Variants in POLR2C observed in about 807,000 individuals in gnomAD.
POLR2C encodes the protein DNA-directed RNA polymerase II subunit RPB3.
Under a neutral mutation model 41.7 loss-of-function variants are expected in POLR2C, and 36 were observed. The ratio of observed to expected loss-of-function variants is 0.86; its 90% confidence interval spans 0.66 to 1.14. The LOEUF is 1.14. Ranked by LOEUF, POLR2C falls within the 50% of genes most tolerant of loss-of-function variation. The pLI, the probability that POLR2C is intolerant of heterozygous loss-of-function variation, is 0.00. For missense variants in POLR2C, 260 were observed against 350.4 expected (o/e 0.74, Z 2.06); for synonymous variants, 133 against 137.8 (o/e 0.96, Z 0.25).
intron 1 of POLR2C, 73 bp from the exon 2 acceptor site, chr16:57,462,956 T>G: frequency 7.5e-7 from 1 of 1,332,508 alleles, no homozygotes. Context: ...GCTTTAGCTT[T>G]GGGAGCCTGC....
At chr16:57,467,986 T>C (rs558787753) in intron 4 of POLR2C, among the ~76,000 whole-genome samples, 2 of 152,194 alleles carry the variant, frequency 1.3e-5, no homozygotes, top group East Asian at 3.9e-4. Flanking sequence ...TTCCATTACA[T>C]TTTGATTCTC....
chr16:57,470,521 GGTC>G (rs2030808982), intron 8 of POLR2C, 167 bp downstream of exon 8: 1 of 589,750 alleles, frequency 1.7e-6, no homozygotes, highest in Non-Finnish European at 3.0e-6. Flanking sequence ...CCCAGGGGCA[GGTC>G]GTCAGCCCCT....
At chr16:57,470,931 G>A (rs1334061643) in intron 8 of POLR2C, 44 bp from the exon 9 acceptor site, 1 of 1,603,530 alleles carries the variant, frequency 6.2e-7, no homozygotes, top group Non-Finnish European at 8.5e-7. Context: ...GCTCGGGTCG[G>A]CCAGCCTGCC....
In POLR2C at chr16:57,471,181, C is replaced by T; in HGVS notation, c.*62C>T. The T allele has an allele frequency of 7.3e-7, 1 of 1,361,228 alleles. No individual in the cohort carries two copies. Among genetic ancestry groups the T allele is most frequent in the South Asian group, 1.2e-5 (1 of 83,922 alleles). 84.3% of individuals were successfully genotyped at this position (1,361,228 alleles called of 1,614,324 possible). A position where few individuals can be genotyped will look rare whatever the true frequency, so the allele number is the denominator to read the frequency against. ...GGCCAGCAGCTGGATATGGGGGTCT[C>T]TCTTCAGACTCTTCTCGTTTCTGAG... On this transcript the variant is annotated 3_prime_UTR_variant, in exon 9 of 9. Coordinates refer to ENST00000219252, the MANE Select transcript of POLR2C (RefSeq NM_032940.3).
rs2030781529 is a variant in POLR2C, at chr16:57,469,653, C to G, written c.388-57C>G. On this transcript the variant is annotated intron_variant, in intron 5 of 8. Coordinates refer to ENST00000219252, the MANE Select transcript of POLR2C (RefSeq NM_032940.3). This position sits in a 1 kb window ranked among gnomAD's most constrained non-coding sequence, Gnocchi z 5.8. ...TCTAGAGGTGCTGGGATATGGATGC[C>G]AGAGGAGGTGACTGGGGAGGTGAGC... 55 of 1,402,846 alleles carry G rather than the reference C, an allele frequency of 3.9e-5. No homozygotes were observed. The South Asian group carries it at 5.3e-4, about 14-fold the overall frequency. 86.9% of individuals were successfully genotyped at this position (1,402,846 alleles called of 1,614,324 possible).
intron 2 of POLR2C, chr16:57,463,332 A>G (rs1598042349): frequency 5.1e-6 from 3 of 589,532 alleles, no homozygotes; most frequent in East Asian, 2.8e-5. Context: ...CAGTGTGCAG[A>G]CTTGGGTTCA....
In POLR2C at chr16:57,469,696, T is replaced by A. The variant is rs761057195; in HGVS notation, c.388-14T>A. On this transcript the variant is annotated splice_polypyrimidine_tract_variant and intron_variant, in intron 5 of 8. Transcript: ENST00000219252. The surrounding 1 kb of genome is among the most constrained non-coding windows in gnomAD (Gnocchi z 5.8). ...AGGTGAGCAGCTAATGAATGCCTGG[T>A]GGACTCCCTACAGGTGACATCCCGG... 3 of 1,608,914 alleles carry A rather than the reference T, an allele frequency of 1.9e-6. No individual in the cohort carries two copies. In the Admixed American group the frequency reaches 5.0e-5, roughly 27 times the overall value.
chr16:57,462,705 G>C lies in POLR2C; in HGVS notation c.-20G>C, dbSNP rs749936268. ...CAGTCACCGCGGAGCAGACGCGGAG[G>C]CTGGTGGCCCCTGGGCGAGATGCCG... On this transcript the variant is annotated 5_prime_UTR_variant, in exon 1 of 9. Coordinates refer to ENST00000219252, the MANE Select transcript of POLR2C (RefSeq NM_032940.3). 6 of 1,572,628 alleles carry C rather than the reference G, an allele frequency of 3.8e-6. No homozygotes were observed. The highest frequency in any genetic ancestry group is 5.2e-6 in the Non-Finnish European group (6 of 1,156,912).
chr16:57,469,576 C>T lies in POLR2C; in HGVS notation c.388-134C>T, dbSNP rs2146603598. On this transcript the variant is annotated intron_variant, in intron 5 of 8. Transcript: ENST00000219252. This position sits in a 1 kb window ranked among gnomAD's most constrained non-coding sequence, Gnocchi z 5.8. ...GAAGTGGGGGTTGGAGTCCTGGGGG[C>T]ATCTGTGCCACCACCTCGTCAGGTG... 4.9e-6 allele frequency: 4 copies of T among 818,754 alleles called. No individual in the cohort carries two copies. In the East Asian group the frequency reaches 7.8e-5, roughly 16 times the overall value. The allele number at this position is 818,754 out of a possible 1,614,324, so 50.7% of individuals were successfully genotyped here.
rs1300159190 is a variant in POLR2C at position 57,463,041 on chromosome 16, G to A, written c.99G>A (p.Ser33=). The change falls in exon 2 of 9, where the codon TCG becomes TCA. Residue 33 remains serine (S), a synonymous_variant. Transcript: ENST00000219252. Reference sequence around the variant, plus strand: ...TTTGATCTTTCAGGGTGGCCAATTCGATTCGGAGGGTCTTCATCGCTGAGG... The same window carrying A: ...TTTGATCTTTCAGGGTGGCCAATTCAATTCGGAGGGTCTTCATCGCTGAGG... ...IENTDLAVAN[S]IRRVFIAEVP... 9.9e-6 allele frequency: 16 copies of A among 1,612,762 alleles called. No individual in the cohort carries two copies. The highest frequency in any genetic ancestry group is 1.4e-5 in the Non-Finnish European group (16 of 1,179,100).
chr16:57,469,269 C>G lies in POLR2C; in HGVS notation c.363C>G (p.Ile121Met). The change falls in exon 5 of 9, where the codon ATC (isoleucine) becomes ATG (methionine). Residue 121 changes from isoleucine (I) to methionine (M), a missense_variant. Ile to Met is a conservative substitution (Grantham distance 10). Coordinates refer to ENST00000219252, the MANE Select transcript of POLR2C (RefSeq NM_032940.3). The surrounding 1 kb of genome is among the most constrained non-coding windows in gnomAD (Gnocchi z 5.8). ...GACATGTCACGTCTCGAGACCTCAT[C>G]TCCAACAGCCCCCGGGTCATTCCGG... Reference protein sequence around the residue: ...QTRHVTSRDLISNSPRVIPVT... With the variant: ...QTRHVTSRDLMSNSPRVIPVT... The G allele has an allele frequency of 6.2e-7, 1 of 1,614,238 alleles. No homozygotes were observed. The highest frequency in any genetic ancestry group is 8.5e-7 in the Non-Finnish European group (1 of 1,180,020).
rs1420129678 is a variant in POLR2C, at chr16:57,471,177, G to T, written c.*58G>T. The T allele has an allele frequency of 2.0e-6, 3 of 1,481,172 alleles. No individual in the cohort carries two copies. The highest frequency in any genetic ancestry group is 2.8e-5 in the African/African-American group (2 of 72,438). 91.8% of individuals were successfully genotyped at this position (1,481,172 alleles called of 1,614,324 possible). A position where few individuals can be genotyped will look rare whatever the true frequency, so the allele number is the denominator to read the frequency against. ...TTCAGGCCAGCAGCTGGATATGGGG[G>T]TCTCTCTTCAGACTCTTCTCGTTTC... is the stretch of plus-strand genomic sequence containing the variant. On this transcript the variant is annotated 3_prime_UTR_variant, in exon 9 of 9. Transcript: ENST00000219252.
At position 57,467,520 on chromosome 16, in the gene POLR2C, G is replaced by GTC. The variant is rs151133791; in HGVS notation, c.258+1307_258+1308dup. 5.2e-4 allele frequency among the ~76,000 whole-genome samples: 78 copies of GTC among 151,264 alleles called. 1 individual carries two copies. Among genetic ancestry groups the GTC allele is most frequent in the Non-Finnish European group, 9.2e-4 (62 of 67,700 alleles). On this transcript the variant is annotated intron_variant, in intron 4 of 8. Transcript: ENST00000219252. ...TTATTGCACAAAGATGGCATGGTCTGTCTCTCTCTCTCTCTGGCTTTTTCT... is the reference window on the plus strand; with the variant it reads ...TTATTGCACAAAGATGGCATGGTCTGTCTCTCTCTCTCTCTCTGGCTTTTTCT...
At chr16:57,465,375 T>C (rs1169963019) in intron 2 of POLR2C, among the ~76,000 whole-genome samples, 1 of 152,238 alleles carries the variant, frequency 6.6e-6, no homozygotes, top group Non-Finnish European at 1.5e-5. Flanking sequence ...AAGTCAAGCA[T>C]GTGTGATCGA....
chr16:57,470,881 A>C (rs941856681), intron 8 of POLR2C, 94 bp from the exon 9 acceptor site: 8 of 1,263,330 alleles, frequency 6.3e-6, no homozygotes, highest in Middle Eastern at 1.9e-4. Flanking sequence ...GTGGGAACAG[A>C]GCCAAGACCC....
chr16:57,470,890 C>T, intron 8 of POLR2C, 85 bp from the exon 9 acceptor site: 1 of 1,373,602 alleles, frequency 7.3e-7, no homozygotes, highest in East Asian at 2.3e-5. Flanking sequence ...GAGCCAAGAC[C>T]CGGAAGGAGG....
chr16:57,470,803 T>C (rs913330176), intron 8 of POLR2C, among the ~76,000 whole-genome samples, 172 bp from the exon 9 acceptor site: 1 of 152,174 alleles, frequency 6.6e-6, no homozygotes, highest in African/African-American at 2.4e-5. Flanking sequence ...GCAAAGTGTG[T>C]TGAAACTACC....
chr16:57,466,640 C>G (rs2030715583), intron 4 of POLR2C, among the ~76,000 whole-genome samples: 1 of 152,132 alleles, frequency 6.6e-6, no homozygotes, highest in Non-Finnish European at 1.5e-5. Flanking sequence ...CATGCTGTCC[C>G]CTCCCTCGCA....
intron 1 of POLR2C, 68 bp from the exon 2 acceptor site, chr16:57,462,961 G>T (rs1384806072): frequency 3.5e-6 from 5 of 1,445,042 alleles, no homozygotes; most frequent in Non-Finnish European, 3.8e-6. Flanking sequence ...AGCTTTGGGA[G>T]CCTGCGGCGC....
Sources: allele counts gnomAD v4.1 joint callset (sites outside exome capture counted in the v4.1 genomes callset), GRCh38; gene constraint gnomAD v4.1.1; non-coding constraint Gnocchi (gnomAD v3.1); transcripts MANE v1.5; gene names NCBI Gene and HGNC (gene_info 2026-07-23, HGNC 2026-07-21).